Variants in CPEB2 observed in about 807,000 individuals in gnomAD.
The protein encoded by CPEB2 is cytoplasmic polyadenylation element-binding protein 2.
A neutral mutation model predicts 93.6 loss-of-function variants in CPEB2; 56 were observed. That is an observed-to-expected ratio of 0.60 (90% CI 0.48 to 0.75). The LOEUF (loss-of-function observed/expected upper bound fraction) is 0.75. Ranked by LOEUF, CPEB2 falls within the 30% of genes least tolerant of loss-of-function variation. The pLI is 0.00. For missense variants in CPEB2, 1,579 were observed against 1,395.1 expected (o/e 1.13, Z -2.10); for synonymous variants, 764 against 586.3 (o/e 1.30, Z -4.38).
Position 15,003,887 on chromosome 4 carries a change from A to G in CPEB2, c.1214A>G (p.Gln405Arg), listed in dbSNP as rs1722385592. The stretch of plus-strand genomic sequence containing the variant: ...CCGCCGCCGACCCAGCCGCAGCAGC[A>G]GCCGCCGCCACCCCAGCAGCCGCCC... ...QQPPPTQPQQ[Q>R]PPPPQQPPQP... Residue 405 changes from glutamine (Q) to arginine (R), a missense_variant, in exon 1 of 12, where the codon CAG becomes CGG. This residue lies in a region of CPEB2 where 1,411 missense variants were observed against 1,056.0 expected (regional missense o/e 1.34). Coordinates refer to ENST00000538197, the MANE Select transcript of CPEB2 (RefSeq NM_001177382.2). 1.2e-6 allele frequency: 1 copy of G among 862,214 alleles called. No individual in the cohort carries two copies. The highest frequency in any genetic ancestry group is 1.5e-6 in the Non-Finnish European group (1 of 652,976). 53.4% of individuals were successfully genotyped at this position (862,214 alleles called of 1,614,324 possible).
chr4:15,024,897 C>G (rs758329891), intron 4 of CPEB2, among the ~76,000 whole-genome samples: 2 of 151,944 alleles, frequency 1.3e-5, no homozygotes, highest in Non-Finnish European at 2.9e-5. Context: ...AGGTGTCCAC[C>G]ACCAGGCCTG....
In CPEB2 at chr4:15,002,544, C is replaced by A; in HGVS notation, c.-130C>A. On this transcript the variant is annotated 5_prime_UTR_variant, in exon 1 of 12. Coordinates refer to ENST00000538197, the MANE Select transcript of CPEB2 (RefSeq NM_001177382.2). ...TGGGGCCGAAGTCGGTGCCCCCTGG[C>A]TCAGTCACGGTGTCCCTCTCTCACT... 1.4e-6 allele frequency: 1 copy of A among 707,774 alleles called. No homozygotes were observed. The highest frequency in any genetic ancestry group is 2.1e-6 in the Non-Finnish European group (1 of 468,120). 43.8% of individuals were successfully genotyped at this position (707,774 alleles called of 1,614,324 possible).
intron 4 of CPEB2, among the ~76,000 whole-genome samples, chr4:15,020,485 A>T (rs1724690120): frequency 6.6e-6 from 1 of 152,080 alleles, no homozygotes; most frequent in African/African-American, 2.4e-5. Context: ...TAACAGAAGC[A>T]CCTTCCCTCT....
intron 5 of CPEB2, among the ~76,000 whole-genome samples, chr4:15,033,518 C>A (rs1726328580): frequency 6.6e-6 from 1 of 152,152 alleles, no homozygotes; most frequent in Non-Finnish European, 1.5e-5. Context: ...GTTTCCCCAT[C>A]TCTGTAATGA....
intron 3 of CPEB2, among the ~76,000 whole-genome samples, chr4:15,016,894 T>A (rs1204266428): frequency 6.6e-6 from 1 of 151,974 alleles, no homozygotes; most frequent in Non-Finnish European, 1.5e-5. Context: ...CAGGAAACTT[T>A]ATAGAGAAAA....
Position 15,067,847 on chromosome 4 carries a change from G to T in CPEB2, c.*1467G>T, listed in dbSNP as rs1729809737. 6.6e-6 allele frequency: 1 copy of T among 152,324 alleles called. No homozygotes were observed. Among genetic ancestry groups the T allele is most frequent in the South Asian group, 2.1e-4 (1 of 4,824 alleles). 9.4% of individuals were successfully genotyped at this position (152,324 alleles called of 1,614,324 possible). A position where few individuals can be genotyped will look rare whatever the true frequency, so the allele number is the denominator to read the frequency against. On this transcript the variant is annotated 3_prime_UTR_variant, in exon 12 of 12. Transcript: ENST00000538197. ...ACATTGTTCTTAATAGTTGAGAATT[G>T]CTTTTTTGAAAATTTTCATGAAGGA...
intron 11 of CPEB2, among the ~76,000 whole-genome samples, chr4:15,065,888 C>G (rs1305875556): frequency 6.6e-6 from 1 of 152,048 alleles, no homozygotes; most frequent in Non-Finnish European, 1.5e-5. Context: ...CTCATAATCT[C>G]CCCTAACTCT....
At chr4:15,016,413 G>GC (rs1051502609) in intron 3 of CPEB2, among the ~76,000 whole-genome samples, 12 of 151,968 alleles carry the variant, frequency 7.9e-5, no homozygotes, top group African/African-American at 2.9e-4. Flanking sequence ...TTTCAAATAA[G>GC]CAAGTGAAGG....
At chr4:15,058,807 T>G (rs909127021) in intron 9 of CPEB2, among the ~76,000 whole-genome samples, 4 of 152,104 alleles carry the variant, frequency 2.6e-5, no homozygotes, top group Non-Finnish European at 5.9e-5. Context: ...TCCTGTCAGA[T>G]CAGAGATGGC....
intron 5 of CPEB2, among the ~76,000 whole-genome samples, chr4:15,038,391 A>G (rs1726839304): frequency 6.6e-6 from 1 of 152,140 alleles, no homozygotes; most frequent in Non-Finnish European, 1.5e-5. Flanking sequence ...TGATGAAAAT[A>G]TTTTTATTTG....
chr4:15,066,553 C>G lies in CPEB2; in HGVS notation c.*173C>G, dbSNP rs1560260459. Reference sequence around the variant, plus strand: ...ACACTACAAGCCTCTTGTTTTTCACCAAAACCCTACATCTCAGGCTTACTA... The same window carrying G: ...ACACTACAAGCCTCTTGTTTTTCACGAAAACCCTACATCTCAGGCTTACTA... On this transcript the variant is annotated 3_prime_UTR_variant, in exon 12 of 12. Coordinates refer to ENST00000538197, the MANE Select transcript of CPEB2 (RefSeq NM_001177382.2). 1.8e-6 allele frequency: 1 copy of G among 558,604 alleles called. No individual in the cohort carries two copies. The highest frequency in any genetic ancestry group is 2.9e-5 in the East Asian group (1 of 34,556). 34.6% of individuals were successfully genotyped at this position (558,604 alleles called of 1,614,324 possible). A position where few individuals can be genotyped will look rare whatever the true frequency, so the allele number is the denominator to read the frequency against.
In CPEB2 at chr4:15,003,577, G is replaced by A; in HGVS notation, c.904G>A (p.Ala302Thr). Residue 302 changes from alanine to threonine, a missense_variant, in exon 1 of 12, where the codon GCC becomes ACC. Transcript: ENST00000538197. ...SAAESPNAGL[A>T]SSTPVNPAPG... ...CGCCGAGTCCCCCAATGCGGGCTTG[G>A]CCTCCTCGACGCCGGTGAACCCCGC... The A allele has an allele frequency of 6.8e-7, 1 of 1,474,644 alleles. No homozygotes were observed. The highest frequency in any genetic ancestry group is 9.0e-7 in the Non-Finnish European group (1 of 1,117,208). 91.3% of individuals were successfully genotyped at this position (1,474,644 alleles called of 1,614,324 possible).
At chr4:15,064,621 T>C (rs1729518865) in intron 11 of CPEB2, among the ~76,000 whole-genome samples, 1 of 151,988 alleles carries the variant, frequency 6.6e-6, no homozygotes, top group African/African-American at 2.4e-5. Context: ...CCAGAAAACA[T>C]ATGTAAATGT....
chr4:15,043,693 A>G (rs568713539), intron 6 of CPEB2, among the ~76,000 whole-genome samples: 1 of 152,204 alleles, frequency 6.6e-6, no homozygotes, highest in African/African-American at 2.4e-5. Context: ...CAAAAGGAAT[A>G]AAAATATATA....
At chr4:15,053,381 C>T (rs922146752) in intron 7 of CPEB2, among the ~76,000 whole-genome samples, 2 of 151,772 alleles carry the variant, frequency 1.3e-5, no homozygotes, top group East Asian at 1.9e-4. Context: ...CTATTAAACC[C>T]GAAAGGGAAA....
intron 6 of CPEB2, among the ~76,000 whole-genome samples, chr4:15,050,231 G>A (rs539090393): frequency 5.9e-5 from 9 of 152,096 alleles, no homozygotes; most frequent in Non-Finnish European, 7.4e-5. Context: ...TCACAGGAGC[G>A]TGAACCCTAT....
chr4:15,040,348 A>C, intron 5 of CPEB2, 116 bp from the exon 6 acceptor site: 1 of 904,730 alleles, frequency 1.1e-6, no homozygotes. Flanking sequence ...TTGCTCTTAA[A>C]ACAAAGTAGC....
chr4:15,019,962 A>G (rs1029657627), intron 4 of CPEB2, among the ~76,000 whole-genome samples: 1 of 152,104 alleles, frequency 6.6e-6, no homozygotes, highest in Non-Finnish European at 1.5e-5. Flanking sequence ...AGTAGCAGTC[A>G]ACATACTGGC....
chr4:15,042,323 T>G (rs1041242222), intron 6 of CPEB2, among the ~76,000 whole-genome samples: 1 of 152,202 alleles, frequency 6.6e-6, no homozygotes, highest in Admixed American at 6.5e-5. Context: ...AATTGTAGAT[T>G]ATGATTATAT....
Sources: gnomAD v4.1 joint callset for allele counts (sites outside exome capture counted in the v4.1 genomes callset) on GRCh38, gnomAD v4.1.1 for gene constraint, gnomAD v4.1.1 regional missense constraint, MANE v1.5 for transcripts, NCBI Gene and HGNC (gene_info 2026-07-23, HGNC 2026-07-21) for gene names.